Variants in NPAS1 observed in about 807,000 individuals in gnomAD.
NPAS1 encodes neuronal PAS domain protein 1, also known as neuronal PAS domain-containing protein 1.
A neutral mutation model predicts 49.2 loss-of-function variants in NPAS1; 29 were observed. That is an observed-to-expected ratio of 0.59 (90% CI 0.44 to 0.80). The LOEUF (loss-of-function observed/expected upper bound fraction) is 0.80. Among genes scored for constraint, NPAS1 ranks in the 30% least tolerant of loss-of-function variants. NPAS1 has a pLI of 0.00. For synonymous variants in NPAS1, 408 were observed against 380.4 expected, an observed-to-expected ratio of 1.07 and a Z score of -0.84; for missense variants, 825 against 835.5, an observed-to-expected ratio of 0.99 and a Z score of 0.15.
chr19:47,042,644 A>G (rs148315190), intron 10 of NPAS1, among the ~76,000 whole-genome samples, 166 bp from the exon 11 acceptor site: 1 of 152,180 alleles, frequency 6.6e-6, no homozygotes. Context: ...CTAGAAGTCA[A>G]CCCGGAGTTT....
In NPAS1 at chr19:47,020,399, G is replaced by A. The variant is rs372286965; in HGVS notation, c.-43+402G>A. Among the ~76,000 whole-genome samples, 17 of 151,952 alleles carry A rather than the reference G, an allele frequency of 1.1e-4. No individual in the cohort carries two copies. The South Asian group carries it at 3.5e-3, about 32-fold the overall frequency. On this transcript the variant is annotated intron_variant, in intron 1 of 11. Transcript: ENST00000602212. ...GTCCGGGGCTGGGGCTCGCGCGCCG[G>A]GGTCTTCAGGGAGGAAGTTGTGGTC...
chr19:47,023,882 A>G (rs1164713631), intron 3 of NPAS1, among the ~76,000 whole-genome samples: 2 of 152,166 alleles, frequency 1.3e-5, no homozygotes, highest in African/African-American at 2.4e-5. Flanking sequence ...CAAGGCGGGC[A>G]GATCACGAGG....
chr19:47,036,191 T>C, intron 6 of NPAS1, 62 bp downstream of exon 6: 3 of 1,488,364 alleles, frequency 2.0e-6, no homozygotes, highest in Non-Finnish European at 2.7e-6. Context: ...CCCGCTGTAC[T>C]GTATCCAGCC....
At chr19:47,042,993 C>A in intron 11 of NPAS1, 89 bp downstream of exon 11, 2 of 981,256 alleles carry the variant, frequency 2.0e-6, no homozygotes, top group Non-Finnish European at 2.9e-6. Context: ...TAGCCACATG[C>A]AGCCATTTAT....
intron 3 of NPAS1, among the ~76,000 whole-genome samples, chr19:47,030,636 CTTTTTTT>C (rs55931402): frequency 4.1e-5 from 4 of 96,794 alleles, no homozygotes; most frequent in East Asian, 3.2e-4. Flanking sequence ...GGCCCTTTGC[CTTTTTTT>C]TTTTTTTTTT....
rs756687206 is a variant in NPAS1, at chr19:47,039,392, G to A, written c.805-15G>A. On this transcript the variant is annotated splice_polypyrimidine_tract_variant and intron_variant, in intron 7 of 11. Coordinates refer to ENST00000602212, the MANE Select transcript of NPAS1 (RefSeq NM_002517.4). ...CCCGCCTTGTCCCTCCTCCAACCATGCCCACCACCAGCAGGTCATCCACGT... is the reference window on the plus strand; with the variant it reads ...CCCGCCTTGTCCCTCCTCCAACCATACCCACCACCAGCAGGTCATCCACGT... 3 of 1,611,402 alleles carry A rather than the reference G, an allele frequency of 1.9e-6. No homozygotes were observed. Among genetic ancestry groups the A allele is most frequent in the Non-Finnish European group, 1.7e-6 (2 of 1,179,732 alleles).
chr19:47,024,532 T>C (rs1012777696), intron 3 of NPAS1, among the ~76,000 whole-genome samples: 1 of 152,076 alleles, frequency 6.6e-6, no homozygotes, highest in Non-Finnish European at 1.5e-5. Context: ...AAAATGACTT[T>C]CTTTTTCAGA....
At chr19:47,035,191 A>AAAGAAGAAGAAGAAGAAGAAGAAGAAG (rs56216577) in intron 5 of NPAS1, 215 of 149,024 alleles carry the variant, frequency 1.4e-3, no homozygotes, top group South Asian at 4.5e-3. Flanking sequence ...AAAAAAATAA[A>AAAGAAGAAGAAGAAGAAGAAGAAGAAG]AAGAAGAAGA....
At position 47,039,218 on chromosome 19, in the gene NPAS1, G is replaced by A. The variant is rs552905583; in HGVS notation, c.804+67G>A. ...GTCCCCAGATTGAGGGTGACCGAGG[G>A]AACCAGGCTGGTGGCTTCACTGGCT... On this transcript the variant is annotated intron_variant, in intron 7 of 11. Transcript: ENST00000602212. 8 of 1,507,390 alleles carry A rather than the reference G, an allele frequency of 5.3e-6. No homozygotes were observed. In the African/African-American group the frequency reaches 9.7e-5, roughly 18 times the overall value. The allele number at this position is 1,507,390 out of a possible 1,614,324, so 93.4% of individuals were successfully genotyped here. A position where few individuals can be genotyped will look rare whatever the true frequency, so the allele number is the denominator to read the frequency against.
intron 6 of NPAS1, among the ~76,000 whole-genome samples, chr19:47,036,897 A>AAAAG (rs542211604): frequency 1.3e-5 from 2 of 151,656 alleles, no homozygotes; most frequent in Non-Finnish European, 2.9e-5. Flanking sequence ...CAACAACAAC[A>AAAAG]AAAGAAAGAA....
intron 10 of NPAS1, among the ~76,000 whole-genome samples, chr19:47,042,360 C>A (rs1314574300): frequency 1.3e-5 from 2 of 152,172 alleles, no homozygotes; most frequent in Non-Finnish European, 2.9e-5. Context: ...GAAGGAGGCA[C>A]TGAGGGACAA....
intron 4 of NPAS1, 35 bp from the exon 5 acceptor site, chr19:47,032,608 C>T (rs763628546): frequency 1.3e-6 from 2 of 1,584,048 alleles, no homozygotes; most frequent in Non-Finnish European, 8.7e-7. Flanking sequence ...ACACCGGGTC[C>T]TCTCCTTCCC....
chr19:47,035,129 C>T (rs1413543619), intron 5 of NPAS1, among the ~76,000 whole-genome samples: 3 of 151,404 alleles, frequency 2.0e-5, no homozygotes, highest in African/African-American at 4.9e-5. Context: ...CACGGTGAGC[C>T]GAGATCGCGC....
chr19:47,030,778 C>T (rs1489719551), intron 3 of NPAS1, among the ~76,000 whole-genome samples: 1 of 151,032 alleles, frequency 6.6e-6, no homozygotes, highest in Non-Finnish European at 1.5e-5. Context: ...CTCAGCCTCC[C>T]GAGTAGCTGG....
chr19:47,039,304 C>G, intron 7 of NPAS1, 103 bp from the exon 8 acceptor site: 1 of 1,530,106 alleles, frequency 6.5e-7, no homozygotes, highest in Non-Finnish European at 8.9e-7. Context: ...AGTGTCCAGT[C>G]CTCCAGCACC....
In NPAS1 at chr19:47,021,561, G is replaced by A. The variant is rs1249122982; in HGVS notation, c.123-51G>A. On this transcript the variant is annotated intron_variant, in intron 2 of 11. Transcript: ENST00000602212. This position sits in a 1 kb window ranked among gnomAD's most constrained non-coding sequence, Gnocchi z 5.7. ...GGCGGGGCTCGCCCCCAGTTCCCAA[G>A]CCCCTGAGCCCCGGGGCCCCGCCGA... 13 of 1,281,148 alleles carry A rather than the reference G, an allele frequency of 1.0e-5. No individual in the cohort carries two copies. The highest frequency in any genetic ancestry group is 6.5e-5 in the South Asian group (4 of 61,986). 79.4% of individuals were successfully genotyped at this position (1,281,148 alleles called of 1,614,324 possible). A position where few individuals can be genotyped will look rare whatever the true frequency, so the allele number is the denominator to read the frequency against.
At chr19:47,022,450 A>G (rs1314168873) in intron 3 of NPAS1, among the ~76,000 whole-genome samples, 1 of 152,200 alleles carries the variant, frequency 6.6e-6, no homozygotes, top group Non-Finnish European at 1.5e-5. Flanking sequence ...GTGGGAAAAA[A>G]CGGTCCAACC....
In NPAS1 at chr19:47,045,347, C is replaced by T; in HGVS notation, c.1469C>T (p.Pro490Leu). 1 of 1,613,808 alleles carries T rather than the reference C, an allele frequency of 6.2e-7. No homozygotes were observed. The highest frequency in any genetic ancestry group is 8.5e-7 in the Non-Finnish European group (1 of 1,179,978). The change falls in exon 12 of 12, where the codon CCG (proline) becomes CTG (leucine). Residue 490 changes from proline to leucine, a missense_variant. Physicochemically the swap from Pro to Leu is moderately conservative, Grantham distance 98. Transcript: ENST00000602212. ...GATCCCTCCAGCCACCCGGCCACAC[C>T]GAGGCCCGAGTTCACCTCTGTCATC... is the stretch of plus-strand genomic sequence containing the variant. ...DEDPSSHPAT[P>L]RPEFTSVIRA...
chr19:47,041,249 AAGGGGAAGG>A (rs2057018503), intron 10 of NPAS1, 124 bp downstream of exon 10: 1 of 936,368 alleles, frequency 1.1e-6, no homozygotes, highest in South Asian at 1.9e-5. Context: ...TGCAGACACG[AAGGGGAAGG>A]AGGGGAGGAT....
Sources: gnomAD v4.1 joint callset for allele counts (sites outside exome capture counted in the v4.1 genomes callset) on GRCh38, gnomAD v4.1.1 for gene constraint, Gnocchi (gnomAD v3.1) non-coding constraint, MANE v1.5 for transcripts, NCBI Gene and HGNC (gene_info 2026-07-23, HGNC 2026-07-21) for gene names.